CNTN6: variants seen among roughly 807,000 people sequenced by gnomAD.
The protein encoded by CNTN6 is contactin 6, also known as contactin-6.
A neutral mutation model predicts 122.8 loss-of-function variants in CNTN6; 137 were observed. The observed-to-expected ratio is 1.12, with a 90% CI of 0.97 to 1.29. CNTN6 has a LOEUF of 1.29. Among genes scored for constraint, CNTN6 ranks in the 50% most tolerant of loss-of-function variants. The pLI is 0.00. For missense variants in CNTN6, 1,634 were observed against 1,223.4 expected, an observed-to-expected ratio of 1.34 and a Z score of -5.01; for synonymous variants, 570 against 426.0, an observed-to-expected ratio of 1.34 and a Z score of -4.16.
chr3:1,377,738 T>C (rs1377767373), intron 17 of CNTN6, among the ~76,000 whole-genome samples: 1 of 152,184 alleles, frequency 6.6e-6, no homozygotes, highest in African/African-American at 2.4e-5. Context: ...CTCTCCATTC[T>C]GCTCTTTAAT....
At chr3:1,150,876 A>G (rs1331208872) in intron 2 of CNTN6, among the ~76,000 whole-genome samples, 2 of 152,150 alleles carry the variant, frequency 1.3e-5, no homozygotes, top group Admixed American at 6.5e-5. Context: ...GACCTGACAG[A>G]GGGGAAGGCA....
At chr3:1,245,278 CACACATATATATATAACATATAT>C (rs2094559065) in intron 4 of CNTN6, among the ~76,000 whole-genome samples, 1 of 5,898 alleles carries the variant, frequency 1.7e-4, no homozygotes, top group Non-Finnish European at 3.1e-4. Flanking sequence ...TATATATACA[CACACATATATATATAACATATAT>C]ATATATATAT....
At chr3:1,254,829 A>G (rs1355075784) in intron 4 of CNTN6, among the ~76,000 whole-genome samples, 1 of 152,162 alleles carries the variant, frequency 6.6e-6, no homozygotes, top group African/African-American at 2.4e-5. Context: ...ATGCCACAGT[A>G]ATGTGCTGAA....
chr3:1,362,166 G>C (rs1463681975), intron 12 of CNTN6, among the ~76,000 whole-genome samples: 1 of 152,060 alleles, frequency 6.6e-6, no homozygotes, highest in African/African-American at 2.4e-5. Context: ...TTTCGGACCA[G>C]CTTCTGGCTC....
intron 4 of CNTN6, among the ~76,000 whole-genome samples, chr3:1,266,739 A>G (rs2094931950): frequency 6.6e-6 from 1 of 151,898 alleles, no homozygotes; most frequent in South Asian, 2.1e-4. Context: ...CATTGAAATC[A>G]CTCTCCTTTA....
At chr3:1,373,814 T>C (rs1432559477) in intron 15 of CNTN6, 52 bp downstream of exon 15, 12 of 1,503,738 alleles carry the variant, frequency 8.0e-6, no homozygotes, top group African/African-American at 1.4e-5. Flanking sequence ...TTTAGTCCAA[T>C]AATTTTAATA....
At position 1,307,392 on chromosome 3, in the gene CNTN6, A is replaced by G. The variant is rs978631989; in HGVS notation, c.761+9401A>G. Among the ~76,000 whole-genome samples, 52 of 152,280 alleles carry G rather than the reference A, an allele frequency of 3.4e-4. 1 individual carries two copies. Among genetic ancestry groups the G allele is most frequent in the Non-Finnish European group, 1.8e-4 (12 of 68,026 alleles). On this transcript the variant is annotated intron_variant, in intron 7 of 22. Coordinates refer to ENST00000446702, the MANE Select transcript of CNTN6 (RefSeq NM_001289080.2). ...CCTTTTTTCCCCTCTGTTCATAAAT[A>G]CATTTTTTAACTAATGGATTTTAAA...
At chr3:1,274,453 A>G (rs991383113) in intron 4 of CNTN6, among the ~76,000 whole-genome samples, 2 of 152,178 alleles carry the variant, frequency 1.3e-5, no homozygotes, top group Non-Finnish European at 2.9e-5. Flanking sequence ...GGTGTAGTTG[A>G]GGATCAGTAG....
intron 2 of CNTN6, among the ~76,000 whole-genome samples, chr3:1,190,363 A>T (rs2093684339): frequency 6.6e-6 from 1 of 152,230 alleles, no homozygotes; most frequent in Non-Finnish European, 1.5e-5. Context: ...CATTCGGTCT[A>T]TAACGTTAGT....
chr3:1,347,666 A>G (rs538250334), intron 11 of CNTN6, among the ~76,000 whole-genome samples: 6 of 152,260 alleles, frequency 3.9e-5, no homozygotes. Context: ...GTCTTGGAAG[A>G]GAGAAAATGT....
intron 11 of CNTN6, among the ~76,000 whole-genome samples, chr3:1,349,008 A>G (rs926252344): frequency 6.6e-6 from 1 of 152,012 alleles, no homozygotes; most frequent in Non-Finnish European, 1.5e-5. Flanking sequence ...TCGCATCCCC[A>G]TTGTAACACC....
chr3:1,247,317 A>C (rs1312747864), intron 4 of CNTN6, among the ~76,000 whole-genome samples: 1 of 152,096 alleles, frequency 6.6e-6, no homozygotes, highest in African/African-American at 2.4e-5. Flanking sequence ...TTAAATCTGC[A>C]TGCCTGCTTG....
At chr3:1,181,433 G>A (rs975941959) in intron 2 of CNTN6, among the ~76,000 whole-genome samples, 1 of 152,052 alleles carries the variant, frequency 6.6e-6, no homozygotes, top group Non-Finnish European at 1.5e-5. Context: ...AATCTTAGGG[G>A]TTTTTTTGTT....
intron 1 of CNTN6, among the ~76,000 whole-genome samples, chr3:1,105,399 A>G (rs1227213365): frequency 6.6e-6 from 1 of 152,134 alleles, no homozygotes; most frequent in Non-Finnish European, 1.5e-5. Context: ...CAGGAAGTTC[A>G]TCAGATATCG....
At chr3:1,112,945 T>A (rs2091549554) in intron 1 of CNTN6, among the ~76,000 whole-genome samples, 1 of 152,120 alleles carries the variant, frequency 6.6e-6, no homozygotes, top group African/African-American at 2.4e-5. Flanking sequence ...TCCAAATGCA[T>A]GCTATTTATA....
At chr3:1,227,755 T>C (rs1559551884) in intron 3 of CNTN6, 63 bp from the exon 4 acceptor site, 2 of 1,536,620 alleles carry the variant, frequency 1.3e-6, no homozygotes, top group Non-Finnish European at 1.8e-6. Context: ...ACTACATGTT[T>C]TTTAAGACAA....
chr3:1,402,252 A>G, intron 21 of CNTN6, 66 bp from the exon 22 acceptor site: 1 of 1,310,218 alleles, frequency 7.6e-7, no homozygotes, highest in Non-Finnish European at 1.1e-6. Context: ...ACAGTGTTCC[A>G]GAACAGTTGT....
intron 2 of CNTN6, among the ~76,000 whole-genome samples, chr3:1,148,508 AT>A (rs2092771917): frequency 6.6e-6 from 1 of 152,076 alleles, no homozygotes; most frequent in Admixed American, 6.6e-5. Flanking sequence ...TCAAAGCTAT[AT>A]TCATTTAGAA....
At chr3:1,215,998 C>A (rs73002307) in intron 2 of CNTN6, among the ~76,000 whole-genome samples, 10,533 of 152,040 alleles carry the variant, frequency 0.069, 453 homozygotes, top group Middle Eastern at 0.1. Flanking sequence ...GAATTGTAGC[C>A]AGATTATTAT....
Sources: gnomAD v4.1 joint callset for allele counts (sites outside exome capture counted in the v4.1 genomes callset) on GRCh38, gnomAD v4.1.1 for gene constraint, MANE v1.5 for transcripts, NCBI Gene and HGNC (gene_info 2026-07-23, HGNC 2026-07-21) for gene names.